Variants in NUBPL observed in about 807,000 individuals in gnomAD.
NUBPL encodes iron-sulfur cluster transfer protein NUBPL.
Under a neutral mutation model 45.7 loss-of-function variants are expected in NUBPL, and 31 were observed. The observed-to-expected ratio is 0.68, with a 90% CI of 0.51 to 0.92. NUBPL has a LOEUF of 0.92. NUBPL is among the 40% of genes least tolerant of loss of function. The pLI is 0.00. For synonymous variants in NUBPL, 144 were observed against 140.9 expected (o/e 1.02, Z -0.15); for missense variants, 401 against 398.7 (o/e 1.01, Z -0.05).
intron 4 of NUBPL, among the ~76,000 whole-genome samples, chr14:31,647,494 G>GGGAGGTCTCAAATGGA (rs1341855708): frequency 6.6e-6 from 1 of 152,172 alleles, no homozygotes; most frequent in Non-Finnish European, 1.5e-5. Context: ...TCTCAAATGG[G>GGGAGGTCTCAAATGGA]GGAGGTCTCA....
chr14:31,734,565 C>G (rs1315768107), intron 6 of NUBPL, among the ~76,000 whole-genome samples: 1 of 152,052 alleles, frequency 6.6e-6, no homozygotes, highest in African/African-American at 2.4e-5. Flanking sequence ...AAATTTAAGA[C>G]TCTAGCTTTT....
At chr14:31,855,585 T>C (rs1385723018) in intron 10 of NUBPL, among the ~76,000 whole-genome samples, 4 of 151,778 alleles carry the variant, frequency 2.6e-5, no homozygotes, top group East Asian at 1.9e-4. Flanking sequence ...TAGTAGGTAC[T>C]CAATAAAAAC....
At chr14:31,610,176 A>G (rs960434562) in intron 4 of NUBPL, among the ~76,000 whole-genome samples, 4 of 152,078 alleles carry the variant, frequency 2.6e-5, no homozygotes, top group Admixed American at 2.0e-4. Context: ...CCAGACTAAG[A>G]AAAGAGGAAA....
At chr14:31,790,673 A>G (rs1347826842) in intron 7 of NUBPL, among the ~76,000 whole-genome samples, 1 of 151,366 alleles carries the variant, frequency 6.6e-6, no homozygotes, top group East Asian at 2.0e-4. Flanking sequence ...AACATGGTGA[A>G]ACCCCATCTC....
At chr14:31,635,048 A>G (rs1032295495) in intron 4 of NUBPL, among the ~76,000 whole-genome samples, 3 of 148,800 alleles carry the variant, frequency 2.0e-5, no homozygotes, top group East Asian at 2.0e-4. Flanking sequence ...TTGCCTGTTC[A>G]CTCTGATGGT....
At chr14:31,742,035 C>G in intron 6 of NUBPL, among the ~76,000 whole-genome samples, 1 of 151,980 alleles carries the variant, frequency 6.6e-6, no homozygotes, top group Middle Eastern at 3.4e-3. Flanking sequence ...CTCTCCCTCC[C>G]CCTAAAAAAG....
intron 6 of NUBPL, among the ~76,000 whole-genome samples, chr14:31,758,286 T>C (rs4981905): frequency 0.46 from 69,532 of 152,114 alleles, 17,852 homozygotes; most frequent in East Asian, 0.6. Flanking sequence ...AGCTGTTTAA[T>C]TATAAGACAT....
At chr14:31,576,497 G>GAGA in intron 3 of NUBPL, among the ~76,000 whole-genome samples, 1 of 152,184 alleles carries the variant, frequency 6.6e-6, no homozygotes, top group African/African-American at 2.4e-5. Flanking sequence ...TTGGGCTTAA[G>GAGA]TCGTCTTCCT....
intron 7 of NUBPL, among the ~76,000 whole-genome samples, chr14:31,822,812 T>C (rs1336012092): frequency 6.6e-6 from 1 of 152,176 alleles, no homozygotes; most frequent in Non-Finnish European, 1.5e-5. Flanking sequence ...CCTTGTCAAA[T>C]GTTGTTATTA....
intron 6 of NUBPL, among the ~76,000 whole-genome samples, chr14:31,783,316 T>G (rs2039226029): frequency 1.3e-5 from 2 of 152,096 alleles, no homozygotes; most frequent in South Asian, 4.1e-4. Flanking sequence ...AATTCAGTAC[T>G]TACTTCTCAG....
chr14:31,818,197 A>G (rs2039955097), intron 7 of NUBPL, among the ~76,000 whole-genome samples: 1 of 152,170 alleles, frequency 6.6e-6, no homozygotes, highest in South Asian at 2.1e-4. Flanking sequence ...AGACTCCCAC[A>G]CAATAATAGT....
At chr14:31,613,088 T>A (rs1483723754) in intron 4 of NUBPL, among the ~76,000 whole-genome samples, 1 of 152,206 alleles carries the variant, frequency 6.6e-6, no homozygotes, top group African/African-American at 2.4e-5. Flanking sequence ...GTGGTACGTA[T>A]ACACAATGGG....
At position 31,826,660 on chromosome 14, in the gene NUBPL, C is replaced by G. The variant is rs35330765; in HGVS notation, c.639C>G (p.Ile213Met). 1 of 1,614,114 alleles carries G rather than the reference C, an allele frequency of 6.2e-7. No individual in the cohort carries two copies. The highest frequency in any genetic ancestry group is 2.2e-5 in the East Asian group (1 of 44,884). ...GAVIVSTPQD[I>M]ALMDAHKGAE... ...TGATTGTCTCCACGCCCCAGGACAT[C>G]GCATTGATGGATGCACACAAGGGTG... is the stretch of plus-strand genomic sequence containing the variant. The change falls in exon 8 of 11, where the codon ATC (isoleucine) becomes ATG (methionine). Residue 213 changes from isoleucine (I) to methionine (M), a missense_variant. Transcript: ENST00000281081.
chr14:31,650,707 A>T (rs527647366), intron 4 of NUBPL, among the ~76,000 whole-genome samples: 116 of 152,174 alleles, frequency 7.6e-4, no homozygotes, highest in Non-Finnish European at 1.4e-3. Context: ...AATTATTAAC[A>T]CTGTCTTAGT....
At chr14:31,636,045 A>G (rs2035487155) in intron 4 of NUBPL, among the ~76,000 whole-genome samples, 1 of 151,774 alleles carries the variant, frequency 6.6e-6, no homozygotes, top group South Asian at 2.1e-4. Flanking sequence ...AACAGGGACA[A>G]TTTGACTTCC....
chr14:31,707,094 A>T (rs2037469648), intron 6 of NUBPL, among the ~76,000 whole-genome samples: 8 of 152,234 alleles, frequency 5.3e-5, no homozygotes, highest in Admixed American at 5.2e-4. Flanking sequence ...CCTGGGAGGA[A>T]CCATCTATCA....
chr14:31,647,572 C>T (rs2035890152), intron 4 of NUBPL, among the ~76,000 whole-genome samples: 1 of 152,182 alleles, frequency 6.6e-6, no homozygotes. Flanking sequence ...GTGTAACACA[C>T]CTCCTACAAT....
At chr14:31,701,083 G>A (rs1302615958) in intron 6 of NUBPL, among the ~76,000 whole-genome samples, 1 of 152,202 alleles carries the variant, frequency 6.6e-6, no homozygotes, top group Non-Finnish European at 1.5e-5. Flanking sequence ...TCAGCACTCT[G>A]TGTCTAGCTC....
At position 31,811,876 on chromosome 14, in the gene NUBPL, C is replaced by A. The variant is rs141214022; in HGVS notation, c.608-14753C>A. ...TTAGTTTTTCTTCTACCAGTCAGGT[C>A]CCTCAGCTGCAGGTCTGTTTGATTT... On this transcript the variant is annotated intron_variant, in intron 7 of 10. Transcript: ENST00000281081. Among the ~76,000 whole-genome samples, 1,245 of 152,310 alleles carry A rather than the reference C, an allele frequency of 8.2e-3. 18 individuals carry two copies. Among genetic ancestry groups the A allele is most frequent in the African/African-American group, 0.029 (1,188 of 41,564 alleles).
Sources: gnomAD v4.1 joint callset for allele counts (sites outside exome capture counted in the v4.1 genomes callset) on GRCh38, gnomAD v4.1.1 for gene constraint, MANE v1.5 for transcripts, NCBI Gene and HGNC (gene_info 2026-07-23, HGNC 2026-07-21) for gene names.